UGT2A1: variants seen among roughly 807,000 people sequenced by gnomAD.
The protein encoded by UGT2A1 is UDP-glucuronosyltransferase 2A1.
In UGT2A1, 61 loss-of-function variants were observed where a neutral mutation model predicts 45.4. The observed-to-expected ratio is 1.34, with a 90% CI of 1.09 to 1.66. The LOEUF is 1.66. UGT2A1 is among the 40% of genes most tolerant of loss of function. The pLI is 0.00. For missense variants in UGT2A1, 649 were observed against 574.3 expected, an observed-to-expected ratio of 1.13 and a Z score of -1.33; for synonymous variants, 229 against 196.2, an observed-to-expected ratio of 1.17 and a Z score of -1.40.
At chr4:69,606,932 T>C (rs2109907062) in intron 3 of UGT2A1, among the ~76,000 whole-genome samples, 1 of 136,204 alleles carries the variant, frequency 7.3e-6, no homozygotes, top group East Asian at 2.1e-4. Flanking sequence ...TACAAACAAA[T>C]GGAAGAACAT....
intron 3 of UGT2A1, among the ~76,000 whole-genome samples, chr4:69,620,289 A>T (rs1720668944): frequency 7.9e-6 from 1 of 125,944 alleles, no homozygotes; most frequent in African/African-American, 3.2e-5. Flanking sequence ...GTAAAGTTTC[A>T]GGAAAAAAAA....
intron 2 of UGT2A1, among the ~76,000 whole-genome samples, chr4:69,646,240 A>T (rs986849452): frequency 6.6e-6 from 1 of 151,828 alleles, no homozygotes; most frequent in Non-Finnish European, 1.5e-5. Flanking sequence ...TCAAAAGCAT[A>T]AAAAATGGGC....
chr4:69,607,381 C>A (rs376053594), intron 3 of UGT2A1, among the ~76,000 whole-genome samples: 36,855 of 148,308 alleles, frequency 0.25, 5,000 homozygotes, highest in African/African-American at 0.35. Flanking sequence ...GAAAGCTGAA[C>A]CTGGATCCCT....
intron 1 of UGT2A1, among the ~76,000 whole-genome samples, chr4:69,650,726 A>G (rs1211112101): frequency 1.3e-5 from 2 of 152,152 alleles, no homozygotes; most frequent in South Asian, 4.2e-4. Context: ...TTAAAAATAT[A>G]CTATCTTTTT....
chr4:69,639,190 C>G lies in UGT2A1; in HGVS notation c.716-3368G>C, dbSNP rs767538678. 19 of 1,613,562 alleles carry G rather than the reference C, an allele frequency of 1.2e-5. No homozygotes were observed. The East Asian group carries it at 4.2e-4, about 36-fold the overall frequency. On this transcript the variant is annotated intron_variant, in intron 2 of 6. Transcript: ENST00000286604. The stretch of plus-strand genomic sequence containing the variant: ...TCTGCTACCAACACATCAAAACCAC[C>G]TTTCTGAAGTCTTGCCATCAACTTT...
intron 3 of UGT2A1, among the ~76,000 whole-genome samples, chr4:69,631,079 C>G (rs147408123): frequency 6.6e-6 from 1 of 152,166 alleles, no homozygotes; most frequent in African/African-American, 2.4e-5. Context: ...ACACTACTTT[C>G]TCATTTGAAA....
intron 4 of UGT2A1, among the ~76,000 whole-genome samples, chr4:69,597,157 T>G (rs2109885457): frequency 6.6e-6 from 1 of 152,324 alleles, no homozygotes; most frequent in Admixed American, 6.5e-5. Context: ...TTTTCTCAAC[T>G]GTATGCCTCC....
intron 1 of UGT2A1, among the ~76,000 whole-genome samples, chr4:69,652,198 A>G (rs1722556978): frequency 6.6e-6 from 1 of 152,046 alleles, no homozygotes; most frequent in African/African-American, 2.4e-5. Flanking sequence ...ACAACTGCAT[A>G]CAAAAGGAGT....
intron 6 of UGT2A1, among the ~76,000 whole-genome samples, chr4:69,591,504 AG>A (rs1718598541): frequency 6.6e-6 from 1 of 152,178 alleles, no homozygotes; most frequent in Non-Finnish European, 1.5e-5. Context: ...GGAAGCCTTC[AG>A]GTAGTAGGCT....
At chr4:69,594,371 G>T (rs993143169) in intron 6 of UGT2A1, 106 bp downstream of exon 6, 3 of 1,408,400 alleles carry the variant, frequency 2.1e-6, no homozygotes, top group Non-Finnish European at 2.9e-6. Context: ...TCAGGTTATG[G>T]TTGTTATTGG....
At chr4:69,606,059 C>T (rs1294768632) in intron 3 of UGT2A1, among the ~76,000 whole-genome samples, 3 of 136,836 alleles carry the variant, frequency 2.2e-5, no homozygotes, top group Non-Finnish European at 4.7e-5. Flanking sequence ...GGGAATCCTC[C>T]TTAAATCATT....
chr4:69,593,967 C>CTTTTTTTTTTTTTTTTTTT lies in UGT2A1; in HGVS notation c.1304+509_1304+510insAAAAAAAAAAAAAAAAAAA, dbSNP rs200066453. 4.6e-5 allele frequency among the ~76,000 whole-genome samples: 5 copies of CTTTTTTTTTTTTTTTTTTT among 107,818 alleles called. 1 individual carries two copies. The highest frequency in any genetic ancestry group is 3.7e-5 in the Non-Finnish European group (2 of 53,450). The allele number at this position is 107,818 out of a possible 152,430, so 70.7% of individuals were successfully genotyped here. ...AAAATATTGAAATAATATTTGAAGT[C>CTTTTTTTTTTTTTTTTTTT]TTTTTTTTTGTTTGTTTTTTTTTTT... is the stretch of plus-strand genomic sequence containing the variant. On this transcript the variant is annotated intron_variant, in intron 6 of 6. Coordinates refer to ENST00000286604, the MANE Select transcript of UGT2A1 (RefSeq NM_001252275.3).
rs373615435 is a variant in UGT2A1 at position 69,647,405 on chromosome 4, T to G, written c.240A>C (p.Lys80Asn). The G allele has an allele frequency of 1.2e-6, 2 of 1,612,900 alleles. No homozygotes were observed. The highest frequency in any genetic ancestry group is 2.7e-5 in the African/African-American group (2 of 74,844). The part of the protein sequence containing the change: ...TFEIYKVPFG[K>N]ERIEGVIKDF... ...CCTTAATTACTCCTTCTATTCTTTC[T>G]TTGCCAAAGGGCACCTTATATATTT... Residue 80 changes from lysine to asparagine, a missense_variant, in exon 2 of 7, where the codon AAA becomes AAC. Physicochemically the swap from Lys to Asn is moderately conservative, Grantham distance 94. Transcript: ENST00000286604.
At chr4:69,623,374 T>G (rs1023833895) in intron 3 of UGT2A1, among the ~76,000 whole-genome samples, 1 of 151,718 alleles carries the variant, frequency 6.6e-6, no homozygotes, top group African/African-American at 2.4e-5. Flanking sequence ...GTAATTTTTG[T>G]GAGAATCATC....
intron 3 of UGT2A1, among the ~76,000 whole-genome samples, chr4:69,619,255 G>T (rs1288840711): frequency 6.6e-6 from 1 of 151,584 alleles, no homozygotes; most frequent in Non-Finnish European, 1.5e-5. Flanking sequence ...TAAAAAATTA[G>T]CCAAGTGTGG....
chr4:69,630,651 T>C (rs958331272), intron 3 of UGT2A1, among the ~76,000 whole-genome samples: 1 of 152,174 alleles, frequency 6.6e-6, no homozygotes, highest in African/African-American at 2.4e-5. Flanking sequence ...ATGAGACATG[T>C]ACTTTCAACA....
chr4:69,614,765 A>G (rs1158624735), intron 3 of UGT2A1, among the ~76,000 whole-genome samples: 2 of 152,078 alleles, frequency 1.3e-5, no homozygotes, highest in Non-Finnish European at 2.9e-5. Flanking sequence ...ATCTATATGT[A>G]GAACAATGAA....
chr4:69,651,481 G>A lies in UGT2A1; in HGVS notation c.-55+1707C>T, dbSNP rs902946505. ...CATGAATTCAGAGAAAAAAACTAAC[G>A]TATTTCAGAAGAAGCTAGCATACTC... is the stretch of plus-strand genomic sequence containing the variant. On this transcript the variant is annotated intron_variant, in intron 1 of 6. Coordinates refer to ENST00000286604, the MANE Select transcript of UGT2A1 (RefSeq NM_001252275.3). 2.6e-5 allele frequency among the ~76,000 whole-genome samples: 4 copies of A among 152,198 alleles called. No individual in the cohort carries two copies. In the East Asian group the frequency reaches 5.8e-4, roughly 22 times the overall value.
chr4:69,599,669 A>C, intron 3 of UGT2A1: 1 of 320,946 alleles, frequency 3.1e-6, no homozygotes, highest in Non-Finnish European at 5.5e-6. Flanking sequence ...AGTGAGAAAA[A>C]GGGAAGAAAG....
Sources: gnomAD v4.1 joint callset for allele counts (sites outside exome capture counted in the v4.1 genomes callset) on GRCh38, gnomAD v4.1.1 for gene constraint, MANE v1.5 for transcripts, NCBI Gene and HGNC (gene_info 2026-07-23, HGNC 2026-07-21) for gene names.